The following DNAH11 variants were observed in gnomAD, a reference collection of about 807,000 sequenced individuals.
DNAH11 encodes the protein dynein axonemal heavy chain 11.
A neutral mutation model predicts 526.0 loss-of-function variants in DNAH11; 442 were observed. The observed-to-expected ratio is 0.84, with a 90% CI of 0.78 to 0.91. The LOEUF (loss-of-function observed/expected upper bound fraction) is 0.91. DNAH11 is among the 40% of genes least tolerant of loss of function. DNAH11 has a pLI of 0.00. For missense variants in DNAH11, 6,989 were observed against 5,448.7 expected (o/e 1.28, Z -8.90); for synonymous variants, 2,461 against 1,935.9 (o/e 1.27, Z -7.12).
chr7:21,629,553 C>T (rs1786504869), intron 25 of DNAH11, among the ~76,000 whole-genome samples: 1 of 151,978 alleles, frequency 6.6e-6, no homozygotes. Context: ...TCCCTTTATC[C>T]CTTTAGGTCT....
At chr7:21,718,280 G>A (rs1244118066) in intron 43 of DNAH11, among the ~76,000 whole-genome samples, 1 of 151,980 alleles carries the variant, frequency 6.6e-6, no homozygotes, top group Non-Finnish European at 1.5e-5. Flanking sequence ...CAGTGTCTTT[G>A]CACAGAATTA....
chr7:21,712,021 A>C lies in DNAH11; in HGVS notation c.6983+161A>C, dbSNP rs528248503. Among the ~76,000 whole-genome samples the C allele has an allele frequency of 8.5e-5, 13 of 152,286 alleles. No homozygotes were observed. In the South Asian group the frequency reaches 2.7e-3, roughly 32 times the overall value. On this transcript the variant is annotated intron_variant, in intron 42 of 81. Coordinates refer to ENST00000409508, the MANE Select transcript of DNAH11 (RefSeq NM_001277115.2). ...CCCAAAGTGACACTCTTTATCCATT[A>C]AACAATAACACCTCATTCTCCCCTC...
At position 21,616,984 on chromosome 7, in the gene DNAH11, T is replaced by G. The variant is rs1785812034; in HGVS notation, c.4096-635T>G. Among the ~76,000 whole-genome samples, 3 of 152,196 alleles carry G rather than the reference T, an allele frequency of 2.0e-5. No individual in the cohort carries two copies. The South Asian group carries it at 6.2e-4, about 32-fold the overall frequency. ...CTCTCGCCTGTATTTTCCCCCATAT[T>G]ATGCCAGTCCCAAAGACCCAAACTA... is the stretch of plus-strand genomic sequence containing the variant. On this transcript the variant is annotated intron_variant, in intron 22 of 81. Coordinates refer to ENST00000409508, the MANE Select transcript of DNAH11 (RefSeq NM_001277115.2).
intron 63 of DNAH11, among the ~76,000 whole-genome samples, chr7:21,808,658 A>T (rs971100325): frequency 1.3e-5 from 2 of 152,178 alleles, no homozygotes; most frequent in Non-Finnish European, 2.9e-5. Flanking sequence ...TGCCTGGTTT[A>T]TTCCACTTAA....
At chr7:21,672,595 T>C (rs940460809) in intron 30 of DNAH11, among the ~76,000 whole-genome samples, 3 of 152,206 alleles carry the variant, frequency 2.0e-5, no homozygotes, top group African/African-American at 7.2e-5. Context: ...CCTCCAGATC[T>C]CAACTTTTCT....
chr7:21,743,834 T>C (rs934000879), intron 49 of DNAH11, among the ~76,000 whole-genome samples: 2 of 152,186 alleles, frequency 1.3e-5, no homozygotes. Flanking sequence ...TTTTTTAGCC[T>C]TTTGCAGCTC....
intron 20 of DNAH11, among the ~76,000 whole-genome samples, chr7:21,610,066 AAC>A (rs1239771637): frequency 1.3e-5 from 2 of 152,078 alleles, no homozygotes. Context: ...CATCCTGGCT[AAC>A]ACAGTGAAAC....
intron 40 of DNAH11, 150 bp from the exon 41 acceptor site, chr7:21,710,403 G>A: frequency 1.7e-6 from 1 of 594,040 alleles, no homozygotes; most frequent in Non-Finnish European, 2.8e-6. Flanking sequence ...AGGTGAATCT[G>A]GAACCCATGT....
intron 61 of DNAH11, among the ~76,000 whole-genome samples, chr7:21,794,012 A>C (rs1312947878): frequency 6.6e-6 from 1 of 152,118 alleles, no homozygotes; most frequent in Non-Finnish European, 1.5e-5. Flanking sequence ...GAAATTACTG[A>C]TTCTTTCTTC....
intron 35 of DNAH11, among the ~76,000 whole-genome samples, chr7:21,692,720 TG>T (rs1783685533): frequency 6.6e-6 from 1 of 152,356 alleles, no homozygotes; most frequent in Non-Finnish European, 1.5e-5. Context: ...ATGGCAATTG[TG>T]TGCTTTGCTT....
At position 21,742,230 on chromosome 7, in the gene DNAH11, C is replaced by G. The variant is rs539672613; in HGVS notation, c.8154+64C>G. 5 of 1,540,644 alleles carry G rather than the reference C, an allele frequency of 3.2e-6. No homozygotes were observed. In the East Asian group the frequency reaches 6.8e-5, roughly 21 times the overall value. Reference sequence around the variant, plus strand: ...AAATAATGATAATACTATGTATTAGCCCATTTTTTATGTCACTATAGAGAA... The same window carrying G: ...AAATAATGATAATACTATGTATTAGGCCATTTTTTATGTCACTATAGAGAA... On this transcript the variant is annotated intron_variant, in intron 49 of 81. Transcript: ENST00000409508.
intron 75 of DNAH11, among the ~76,000 whole-genome samples, chr7:21,882,787 ACT>A (rs1295454863): frequency 3.3e-5 from 5 of 152,092 alleles, no homozygotes; most frequent in Non-Finnish European, 7.4e-5. Flanking sequence ...ACAGAGTAAA[ACT>A]CTGTCTCAAA....
chr7:21,722,972 T>C (rs981293615), intron 44 of DNAH11, among the ~76,000 whole-genome samples: 5 of 152,190 alleles, frequency 3.3e-5, no homozygotes, highest in African/African-American at 1.2e-4. Context: ...GTATCAGCCT[T>C]ACCCCCTAGT....
rs188608594 is a variant in DNAH11, at chr7:21,710,416, G to T, written c.6684-137G>T. ...AGAGGTGAATCTGGAACCCATGTGT[G>T]GCTGAAAAGGTGTTACACACTGCCC... is the stretch of plus-strand genomic sequence containing the variant. On this transcript the variant is annotated intron_variant, in intron 40 of 81. Coordinates refer to ENST00000409508, the MANE Select transcript of DNAH11 (RefSeq NM_001277115.2). 63 of 635,430 alleles carry T rather than the reference G, an allele frequency of 9.9e-5. No individual in the cohort carries two copies. The African/African-American group carries it at 1.1e-3, about 11-fold the overall frequency. 39.4% of individuals were successfully genotyped at this position (635,430 alleles called of 1,614,324 possible). A position where few individuals can be genotyped will look rare whatever the true frequency, so the allele number is the denominator to read the frequency against.
At chr7:21,840,595 A>G (rs541916153) in intron 65 of DNAH11, among the ~76,000 whole-genome samples, 1 of 152,268 alleles carries the variant, frequency 6.6e-6, no homozygotes, top group East Asian at 1.9e-4. Context: ...TGTCTCTTGC[A>G]TGAATTAGAA....
chr7:21,678,195 A>G (rs1359879294), intron 30 of DNAH11, among the ~76,000 whole-genome samples: 4 of 150,880 alleles, frequency 2.7e-5, no homozygotes, highest in African/African-American at 9.8e-5. Context: ...AAGGAATTTT[A>G]CAGTTTCAGG....
intron 25 of DNAH11, among the ~76,000 whole-genome samples, chr7:21,621,028 T>A (rs532747584): frequency 6.6e-6 from 1 of 152,200 alleles, no homozygotes; most frequent in East Asian, 1.9e-4. Flanking sequence ...TAAACATACG[T>A]GTGCATGTGT....
intron 77 of DNAH11, among the ~76,000 whole-genome samples, chr7:21,893,316 C>T (rs577893196): frequency 3.3e-5 from 5 of 152,192 alleles, no homozygotes; most frequent in Non-Finnish European, 1.5e-5. Context: ...GTGTGAGTTC[C>T]ACTTGCTCTA....
chr7:21,604,948 C>T (rs1050903325), intron 18 of DNAH11, among the ~76,000 whole-genome samples: 1 of 152,174 alleles, frequency 6.6e-6, no homozygotes, highest in African/African-American at 2.4e-5. Context: ...AAGCCCAGGT[C>T]CCTTGGTTCC....
Sources: gnomAD v4.1 joint callset for allele counts (sites outside exome capture counted in the v4.1 genomes callset) on GRCh38, gnomAD v4.1.1 for gene constraint, MANE v1.5 for transcripts, NCBI Gene and HGNC (gene_info 2026-07-23, HGNC 2026-07-21) for gene names.